The following ANKRA2 variants were observed in gnomAD, a reference collection of about 807,000 sequenced individuals.
ANKRA2 encodes the protein ankyrin repeat family A protein 2.
ANKRA2 carries 33 observed loss-of-function variants against 37.8 expected under a neutral mutation model. The ratio of observed to expected loss-of-function variants is 0.87; its 90% CI spans 0.66 to 1.17. ANKRA2 has a LOEUF of 1.17. Among genes scored for constraint, ANKRA2 ranks in the 50% most tolerant of loss-of-function variants. The pLI is 0.00. For missense variants in ANKRA2, 326 were observed against 373.7 expected (o/e 0.87, Z 1.05); for synonymous variants, 126 against 132.3 (o/e 0.95, Z 0.33).
chr5:73,553,003 T>C (rs1747294107), intron 8 of ANKRA2, 151 bp from the exon 9 acceptor site: 1 of 613,154 alleles, frequency 1.6e-6, no homozygotes, highest in South Asian at 2.4e-5. Context: ...TACAATGCAA[T>C]ACTTTAAAAA....
At position 73,562,822 on chromosome 5, in the gene ANKRA2, G is replaced by T. The variant is rs377503728; in HGVS notation, c.60C>A (p.Ser20Arg). Reference sequence around the variant, plus strand: ...CTGGCATGCCAGTTAGGCTATAAGTGCTGGGACACTCTTCCACGATAAGCT... The same window carrying T: ...CTGGCATGCCAGTTAGGCTATAAGTTCTGGGACACTCTTCCACGATAAGCT... ...GAQLIVEECPSTYSLTGMPDI... is the reference protein window; with the variant it reads ...GAQLIVEECPRTYSLTGMPDI... The change falls in exon 2 of 9, where the codon AGC (serine) becomes AGA (arginine). Residue 20 changes from serine (S) to arginine (R), a missense_variant. Physicochemically the swap from Ser to Arg is moderately radical, Grantham distance 110. Transcript: ENST00000296785. The T allele has an allele frequency of 3.0e-4, 488 of 1,613,902 alleles. No individual in the cohort carries two copies. Among genetic ancestry groups the T allele is most frequent in the Non-Finnish European group, 4.1e-4 (484 of 1,179,966 alleles).
Position 73,555,508 on chromosome 5 carries a change from C to T in ANKRA2, c.592G>A (p.Val198Ile). ...CTTACATTCTGAAGTAGGAACTCTA[C>T]CACAGCTATTTGCCCGTGTGCTGCA... is the stretch of plus-strand genomic sequence containing the variant. ...WAAAHGQIAVVEFLLQNGADP... is the reference protein window; with the variant it reads ...WAAAHGQIAVIEFLLQNGADP... Residue 198 changes from valine (V) to isoleucine (I), a missense_variant, in exon 5 of 9, where the codon GTA becomes ATA. Around this residue, in one of 3 missense-constraint regions of ANKRA2, gnomAD observed 228 missense variants for 260.2 expected, o/e 0.88. Coordinates refer to ENST00000296785, the MANE Select transcript of ANKRA2 (RefSeq NM_023039.5). The T allele has an allele frequency of 6.2e-7, 1 of 1,613,542 alleles. No individual in the cohort carries two copies. The highest frequency in any genetic ancestry group is 2.2e-5 in the East Asian group (1 of 44,886).
chr5:73,555,621 T>A, intron 4 of ANKRA2, 36 bp from the exon 5 acceptor site: 1 of 1,545,870 alleles, frequency 6.5e-7, no homozygotes, highest in East Asian at 2.3e-5. Flanking sequence ...TGATCTAATT[T>A]AACAACCATA....
At chr5:73,561,104 G>C in intron 3 of ANKRA2, 26 bp downstream of exon 3, 1 of 1,582,294 alleles carries the variant, frequency 6.3e-7, no homozygotes, top group Non-Finnish European at 8.6e-7. Context: ...TAAGAATATA[G>C]TAATACATCA....
chr5:73,557,564 T>C lies in ANKRA2; in HGVS notation c.514+11A>G. 8 of 1,554,584 alleles carry C rather than the reference T, an allele frequency of 5.1e-6. No individual in the cohort carries two copies. Among genetic ancestry groups the C allele is most frequent in the Non-Finnish European group, 7.0e-6 (8 of 1,138,700 alleles). ...TTGAATTTGTTTAAATATTTTTAAA[T>C]AGGCTATTACCTTGTTCGATACGAG... On this transcript the variant is annotated intron_variant, in intron 4 of 8. Coordinates refer to ENST00000296785, the MANE Select transcript of ANKRA2 (RefSeq NM_023039.5).
At chr5:73,564,340 G>A (rs981597166) in intron 1 of ANKRA2, among the ~76,000 whole-genome samples, 2 of 152,118 alleles carry the variant, frequency 1.3e-5, no homozygotes, top group Non-Finnish European at 2.9e-5. Context: ...AGCTCTCTGA[G>A]CACCCTGCAT....
chr5:73,562,734 T>C lies in ANKRA2; in HGVS notation c.148A>G (p.Met50Val). 1.2e-6 allele frequency: 2 copies of C among 1,614,216 alleles called. No homozygotes were observed. The highest frequency in any genetic ancestry group is 1.1e-5 in the South Asian group (1 of 91,088). The stretch of plus-strand genomic sequence containing the variant: ...TTAGGCAATATGAATTTCATTCCCA[T>C]GGCAACACCCTGAGCTGACCCTTCT... ...SEEGSAQGVA[M>V]GMKFILPNRF... Residue 50 changes from methionine to valine, a missense_variant, in exon 2 of 9, where the codon ATG becomes GTG. Around this residue, in one of 3 missense-constraint regions of ANKRA2, gnomAD observed 93 missense variants for 91.1 expected, o/e 1.02. Transcript: ENST00000296785.
At chr5:73,562,400 C>A in intron 2 of ANKRA2, 193 bp downstream of exon 2, 4 of 483,896 alleles carry the variant, frequency 8.3e-6, no homozygotes, top group Non-Finnish European at 1.4e-5. Flanking sequence ...AAAAAATCAA[C>A]ATGTACTTCC....
chr5:73,561,004 C>G (rs1019281755), intron 3 of ANKRA2, 126 bp downstream of exon 3: 2 of 989,150 alleles, frequency 2.0e-6, no homozygotes, highest in African/African-American at 3.3e-5. Context: ...GAATAGTATT[C>G]CATTGTGTAG....
At chr5:73,555,811 A>C (rs886273200) in intron 4 of ANKRA2, among the ~76,000 whole-genome samples, 3 of 152,212 alleles carry the variant, frequency 2.0e-5, no homozygotes, top group African/African-American at 7.2e-5. Flanking sequence ...ATATTACTTA[A>C]AGTATAAACT....
Position 73,554,994 on chromosome 5 carries a change from G to A in ANKRA2, c.613-8C>T. On this transcript the variant is annotated splice_polypyrimidine_tract_variant and splice_region_variant and intron_variant, in intron 5 of 8. Coordinates refer to ENST00000296785, the MANE Select transcript of ANKRA2 (RefSeq NM_023039.5). ...AAGTTGGGGATCAGCACCCTGGTATGGGAAGTAGAGATAAAAGACTTCTCA... is the reference window on the plus strand; with the variant it reads ...AAGTTGGGGATCAGCACCCTGGTATAGGAAGTAGAGATAAAAGACTTCTCA... 6.2e-7 allele frequency: 1 copy of A among 1,600,660 alleles called. No homozygotes were observed. The highest frequency in any genetic ancestry group is 1.1e-5 in the South Asian group (1 of 88,336).
chr5:73,558,565 C>T (rs568898678), intron 3 of ANKRA2, among the ~76,000 whole-genome samples: 1 of 152,206 alleles, frequency 6.6e-6, no homozygotes, highest in African/African-American at 2.4e-5. Context: ...GACAGGGTCT[C>T]GCTTTATCAC....
chr5:73,555,710 A>T (rs819584), intron 4 of ANKRA2, 125 bp from the exon 5 acceptor site: 580,393 of 822,090 alleles, frequency 0.71, 205,965 homozygotes, highest in East Asian at 0.82. Context: ...TGCTGACTTT[A>T]TGTTGGTGTC....
chr5:73,556,048 T>C (rs1747391060), intron 4 of ANKRA2, among the ~76,000 whole-genome samples: 1 of 152,224 alleles, frequency 6.6e-6, no homozygotes, highest in African/African-American at 2.4e-5. Context: ...CAGAAATATA[T>C]AAACTTATTG....
In ANKRA2 at chr5:73,553,525, A is replaced by G. The variant is rs772202837; in HGVS notation, c.806-39T>C. On this transcript the variant is annotated intron_variant, in intron 7 of 8. Transcript: ENST00000296785. ...GAAAAACTACATAAATGAAATGAAA[A>G]TGCAGATATGTTTGTCTGTTATTGG... The G allele has an allele frequency of 3.3e-6, 5 of 1,512,014 alleles. No homozygotes were observed. In the East Asian group the frequency reaches 6.8e-5, roughly 21 times the overall value. The allele number at this position is 1,512,014 out of a possible 1,614,324, so 93.7% of individuals were successfully genotyped here. A position where few individuals can be genotyped will look rare whatever the true frequency, so the allele number is the denominator to read the frequency against.
chr5:73,553,355 C>T, intron 8 of ANKRA2, 51 bp downstream of exon 8: 1 of 1,404,778 alleles, frequency 7.1e-7, no homozygotes, highest in Non-Finnish European at 1.0e-6. Context: ...CTGGCTTATA[C>T]TATTTACAGA....
At chr5:73,554,415 T>A in intron 6 of ANKRA2, 27 bp from the exon 7 acceptor site, 2 of 1,523,928 alleles carry the variant, frequency 1.3e-6, no homozygotes, top group South Asian at 2.3e-5. Flanking sequence ...TGATTCAGAG[T>A]TTTTCACGGT....
In ANKRA2 at chr5:73,562,743, C is replaced by T; in HGVS notation, c.139G>A (p.Gly47Ser). Residue 47 changes from glycine (G) to serine (S), a missense_variant, in exon 2 of 9, where the codon GGT (glycine) becomes AGT (serine). By Grantham distance (56) the Gly-to-Ser change is moderately conservative (BLOSUM62 0). This residue lies in a region of ANKRA2 where 93 missense variants were observed against 91.1 expected (regional missense o/e 1.02). Transcript: ENST00000296785. ...DPNSEEGSAQGVAMGMKFILP... is the reference protein window; with the variant it reads ...DPNSEEGSAQSVAMGMKFILP... ...ATGAATTTCATTCCCATGGCAACAC[C>T]CTGAGCTGACCCTTCTTCTGAATTT... The T allele has an allele frequency of 6.2e-6, 10 of 1,614,118 alleles. No homozygotes were observed. The highest frequency in any genetic ancestry group is 8.5e-6 in the Non-Finnish European group (10 of 1,180,020).
intron 2 of ANKRA2, 191 bp from the exon 3 acceptor site, chr5:73,561,479 A>T (rs1002717755): frequency 1.8e-6 from 1 of 554,068 alleles, no homozygotes; most frequent in Non-Finnish European, 3.0e-6. Context: ...AAAAAAAAAA[A>T]GTCTAGGCTG....
Sources: allele counts gnomAD v4.1 joint callset (sites outside exome capture counted in the v4.1 genomes callset), GRCh38; gene constraint gnomAD v4.1.1; regional missense constraint gnomAD v4.1.1; transcripts MANE v1.5; gene names NCBI Gene and HGNC (gene_info 2026-07-23, HGNC 2026-07-21).